The following DNAJC18 variants were observed in gnomAD, a reference collection of about 807,000 sequenced individuals.
The protein encoded by DNAJC18 is DnaJ heat shock protein family (Hsp40) member C18, also known as dnaJ homolog subfamily C member 18.
DNAJC18 carries 40 observed loss-of-function variants against 48.6 expected under a neutral mutation model. The observed-to-expected ratio is 0.82, with a 90% CI of 0.64 to 1.07. DNAJC18 has a LOEUF of 1.07. DNAJC18 is among the 50% of genes least tolerant of loss of function. DNAJC18 has a pLI of 0.00. For synonymous variants in DNAJC18, 135 were observed against 152.2 expected (o/e 0.89, Z 0.83); for missense variants, 340 against 427.7 (o/e 0.79, Z 1.81).
In DNAJC18 at chr5:139,439,331, G is replaced by T. The variant is rs73257315; in HGVS notation, c.40+75C>A. ...CCTCAGACCCAGGATCTCAGCCCTT[G>T]TGCGTCTTCAGGATCCTCATCCCTG... is the stretch of plus-strand genomic sequence containing the variant. On this transcript the variant is annotated intron_variant, in intron 1 of 7. Transcript: ENST00000302060. This position sits in a 1 kb window ranked among gnomAD's most constrained non-coding sequence, Gnocchi z 4.1. The T allele has an allele frequency of 3.4e-3, 5,521 of 1,606,976 alleles. 151 individuals are homozygous for T. In the African/African-American group the frequency reaches 0.062, roughly 18 times the overall value.
intron 6 of DNAJC18, 23 bp from the exon 7 acceptor site, chr5:139,420,248 C>T: frequency 1.3e-6 from 2 of 1,583,880 alleles, no homozygotes; most frequent in Non-Finnish European, 8.5e-7. Flanking sequence ...GAGAGAGGCT[C>T]ATGTGAGCTC....
Position 139,410,851 on chromosome 5 carries a change from C to T in DNAJC18, c.*3297G>A, listed in dbSNP as rs1758983863. On this transcript the variant is annotated 3_prime_UTR_variant, in exon 8 of 8. Transcript: ENST00000302060. ...TGATGTGATCTCAGCTTACTGCAAC[C>T]TCTGCCTCCCAGGCTCAAGAGATTC... 1.3e-5 allele frequency: 2 copies of T among 152,060 alleles called. No homozygotes were observed. The highest frequency in any genetic ancestry group is 2.9e-5 in the Non-Finnish European group (2 of 68,036). 9.4% of individuals were successfully genotyped at this position (152,060 alleles called of 1,614,324 possible).
At chr5:139,415,252 C>T (rs1486641660) in intron 7 of DNAJC18, among the ~76,000 whole-genome samples, 3 of 152,166 alleles carry the variant, frequency 2.0e-5, no homozygotes, top group Non-Finnish European at 4.4e-5. Context: ...AGACACCTGT[C>T]TGATTAATCA....
chr5:139,437,226 A>G, intron 2 of DNAJC18, 146 bp downstream of exon 2: 2 of 1,014,188 alleles, frequency 2.0e-6, no homozygotes, highest in East Asian at 2.9e-5. Context: ...ACTTCTATTC[A>G]GTCTTCCCTC....
At chr5:139,435,446 T>C (rs1289379438) in intron 2 of DNAJC18, among the ~76,000 whole-genome samples, 3 of 152,210 alleles carry the variant, frequency 2.0e-5, no homozygotes, top group African/African-American at 7.2e-5. Context: ...TAACATGGTA[T>C]GTTACATTGA....
intron 6 of DNAJC18, among the ~76,000 whole-genome samples, chr5:139,422,268 G>A (rs1025915264): frequency 2.0e-5 from 3 of 152,026 alleles, no homozygotes; most frequent in Non-Finnish European, 4.4e-5. Context: ...GCATTACAAG[G>A]AATTTCTCTA....
At chr5:139,426,851 TCA>T (rs150809523) in intron 3 of DNAJC18, among the ~76,000 whole-genome samples, 1 of 151,212 alleles carries the variant, frequency 6.6e-6, no homozygotes, top group Non-Finnish European at 1.5e-5. Context: ...TGAGACTTTG[TCA>T]CACACACACA....
In DNAJC18 at chr5:139,412,976, C is replaced by T; in HGVS notation, c.*1172G>A. 2.5e-6 allele frequency: 1 copy of T among 398,340 alleles called. No homozygotes were observed. The highest frequency in any genetic ancestry group is 4.4e-6 in the Non-Finnish European group (1 of 226,050). The allele number at this position is 398,340 out of a possible 1,614,324, so 24.7% of individuals were successfully genotyped here. ...CTCCCACTTTCTACTTGACACTCAGCCTACCGTCTTGCTCTGCCACTACAA... is the reference window on the plus strand; with the variant it reads ...CTCCCACTTTCTACTTGACACTCAGTCTACCGTCTTGCTCTGCCACTACAA... On this transcript the variant is annotated 3_prime_UTR_variant, in exon 8 of 8. Coordinates refer to ENST00000302060, the MANE Select transcript of DNAJC18 (RefSeq NM_152686.4).
intron 2 of DNAJC18, among the ~76,000 whole-genome samples, chr5:139,429,538 A>G (rs190664838): frequency 6.6e-5 from 10 of 152,248 alleles, no homozygotes; most frequent in Admixed American, 2.6e-4. Context: ...TGTGGATCCT[A>G]TGTACAGAGA....
At position 139,425,066 on chromosome 5, in the gene DNAJC18, C is replaced by T. The variant is rs199657651; in HGVS notation, c.608G>A (p.Arg203His). The change falls in exon 5 of 8, where the codon CGT becomes CAT. Residue 203 changes from arginine to histidine, a missense_variant. Transcript: ENST00000302060. ...SNVTDDTYYY[R>H]RRHRHERTQT... Reference sequence around the variant, plus strand: ...TGTCCTCTCATGTCGGTGCCGTCGACGGTAATAGTAAGTGTCATCTGTCAC... The same window carrying T: ...TGTCCTCTCATGTCGGTGCCGTCGATGGTAATAGTAAGTGTCATCTGTCAC... The T allele has an allele frequency of 4.3e-5, 69 of 1,612,886 alleles. No homozygotes were observed. Among genetic ancestry groups the T allele is most frequent in the Middle Eastern group, 3.3e-4 (2 of 6,078 alleles).
In DNAJC18 at chr5:139,410,941, G is replaced by C. The variant is rs1014886364; in HGVS notation, c.*3207C>G. The C allele has an allele frequency of 3.3e-5, 5 of 151,950 alleles. No homozygotes were observed. Among genetic ancestry groups the C allele is most frequent in the Admixed American group, 6.6e-5 (1 of 15,242 alleles). The allele number at this position is 151,950 out of a possible 1,614,324, so 9.4% of individuals were successfully genotyped here. A position where few individuals can be genotyped will look rare whatever the true frequency, so the allele number is the denominator to read the frequency against. Reference sequence around the variant, plus strand: ...GTGCTACCATGCCCGCCTAATTTTTGTATTTTTAGTACAGACAGGGTTTCA... The same window carrying C: ...GTGCTACCATGCCCGCCTAATTTTTCTATTTTTAGTACAGACAGGGTTTCA... On this transcript the variant is annotated 3_prime_UTR_variant, in exon 8 of 8. Transcript: ENST00000302060.
At position 139,439,139 on chromosome 5, in the gene DNAJC18, G is replaced by GCCTGACAGCTGCGGGC. The variant is rs1444103698; in HGVS notation, c.40+251_40+266dup. 2.0e-5 allele frequency among the ~76,000 whole-genome samples: 3 copies of GCCTGACAGCTGCGGGC among 151,962 alleles called. No homozygotes were observed. The highest frequency in any genetic ancestry group is 4.4e-5 in the Non-Finnish European group (3 of 67,926). ...CTCCAGTCACCTTGGCATGGGCGGG[G>GCCTGACAGCTGCGGGC]CCTGACAGCTGCGGGCCCTGGGCGG... On this transcript the variant is annotated intron_variant, in intron 1 of 7. Coordinates refer to ENST00000302060, the MANE Select transcript of DNAJC18 (RefSeq NM_152686.4). This position sits in a 1 kb window ranked among gnomAD's most constrained non-coding sequence, Gnocchi z 4.1.
chr5:139,430,572 C>CTA (rs1305108990), intron 2 of DNAJC18, among the ~76,000 whole-genome samples: 2 of 147,194 alleles, frequency 1.4e-5, no homozygotes, highest in Non-Finnish European at 3.0e-5. Context: ...TTACCTAGTA[C>CTA]TATATATCTA....
In DNAJC18 at chr5:139,428,426, G is replaced by C. The variant is rs1036916647; in HGVS notation, c.373+112C>G. ...TATCACTATTTAAGAGGTGTGGCAG[G>C]GGGAAAAAACCCTCCTTATGGCCTT... is the stretch of plus-strand genomic sequence containing the variant. On this transcript the variant is annotated intron_variant, in intron 3 of 7. Coordinates refer to ENST00000302060, the MANE Select transcript of DNAJC18 (RefSeq NM_152686.4). The C allele has an allele frequency of 6.5e-5, 90 of 1,390,520 alleles. No homozygotes were observed. The African/African-American group carries it at 1.1e-3, about 17-fold the overall frequency. The allele number at this position is 1,390,520 out of a possible 1,614,324, so 86.1% of individuals were successfully genotyped here.
At position 139,429,973 on chromosome 5, in the gene DNAJC18, A is replaced by G. The variant is rs145852597; in HGVS notation, c.228-1290T>C. Among the ~76,000 whole-genome samples, 199 of 152,312 alleles carry G rather than the reference A, an allele frequency of 1.3e-3. 5 individuals carry two copies. The East Asian group carries it at 0.034, about 26-fold the overall frequency. Reference sequence around the variant, plus strand: ...TTTATCTTGGAGATCAATCCTTAACATATAGAGATGAGAAGTATAGAATAA... The same window carrying G: ...TTTATCTTGGAGATCAATCCTTAACGTATAGAGATGAGAAGTATAGAATAA... On this transcript the variant is annotated intron_variant, in intron 2 of 7. Transcript: ENST00000302060.
At chr5:139,435,182 G>A (rs952328464) in intron 2 of DNAJC18, among the ~76,000 whole-genome samples, 5 of 152,002 alleles carry the variant, frequency 3.3e-5, no homozygotes, top group African/African-American at 9.7e-5. Context: ...GTGAAACCCC[G>A]TCTCTACTAA....
At chr5:139,433,970 C>G (rs1169184244) in intron 2 of DNAJC18, among the ~76,000 whole-genome samples, 3 of 152,170 alleles carry the variant, frequency 2.0e-5, no homozygotes, top group Non-Finnish European at 4.4e-5. Flanking sequence ...CAGCTCACTG[C>G]AACCTCTGCC....
chr5:139,439,380 C>T lies in DNAJC18; in HGVS notation c.40+26G>A, dbSNP rs376902475. On this transcript the variant is annotated intron_variant, in intron 1 of 7. Transcript: ENST00000302060. This position sits in a 1 kb window ranked among gnomAD's most constrained non-coding sequence, Gnocchi z 4.1. ...TGATCTCTCCCGAAGGCCGCCCTAT[C>T]CCTCCTTCAGGCGGGGACCTAGTAC... 3.0e-5 allele frequency: 49 copies of T among 1,614,126 alleles called. No individual in the cohort carries two copies. In the Admixed American group the frequency reaches 7.8e-4, roughly 26 times the overall value.
intron 7 of DNAJC18, among the ~76,000 whole-genome samples, chr5:139,414,595 C>G (rs114831769): frequency 0.011 from 1,736 of 152,368 alleles, 21 homozygotes; most frequent in African/African-American, 0.039. Flanking sequence ...TAGCCTCCTA[C>G]AAACGGGATT....
Sources: allele counts gnomAD v4.1 joint callset (sites outside exome capture counted in the v4.1 genomes callset), GRCh38; gene constraint gnomAD v4.1.1; non-coding constraint Gnocchi (gnomAD v3.1); transcripts MANE v1.5; gene names NCBI Gene and HGNC (gene_info 2026-07-23, HGNC 2026-07-21).